The following DMD variants were observed in gnomAD, a reference collection of about 807,000 sequenced individuals.
DMD encodes dystrophin.
A neutral mutation model predicts 330.1 loss-of-function variants in DMD; 63 were observed. The ratio of observed to expected loss-of-function variants is 0.19; its 90% CI spans 0.16 to 0.24. The LOEUF (loss-of-function observed/expected upper bound fraction) is 0.24. Ranked by LOEUF, DMD falls within the 10% of genes least tolerant of loss-of-function variation. The pLI is 1.00. For missense variants in DMD, 3,344 were observed against 2,684.1 expected (o/e 1.25, Z -5.43); for synonymous variants, 1,223 against 959.8 (o/e 1.27, Z -5.07).
intron 27 of DMD, among the ~76,000 whole-genome samples, chrX:32,446,418 A>G (rs73619089): frequency 0.062 from 6,826 of 110,253 alleles, 520 homozygotes; most frequent in African/African-American, 0.21. Context: ...GGAAAAAAAA[A>G]AACCTGTCCT....
chrX:31,869,425 C>G (rs1486074901), intron 48 of DMD, among the ~76,000 whole-genome samples: 1 of 67,635 alleles, frequency 1.5e-5, no homozygotes, highest in Admixed American at 2.1e-4. Flanking sequence ...TTTTTTTTTA[C>G]CTACCTGTAA....
chrX:32,042,540 G>A (rs1015774982), intron 44 of DMD, among the ~76,000 whole-genome samples: 2 of 111,256 alleles, frequency 1.8e-5, no homozygotes, highest in Non-Finnish European at 1.9e-5. Context: ...CTTGACACAC[G>A]GGGATTATAA....
intron 7 of DMD, among the ~76,000 whole-genome samples, chrX:32,732,387 A>G (rs370866577): frequency 0.02 from 2,240 of 110,631 alleles, 69 homozygotes; most frequent in African/African-American, 0.066. Flanking sequence ...GCAGGCCAAC[A>G]TTCAGATTCA....
chrX:31,861,341 G>A (rs968323091), intron 48 of DMD, among the ~76,000 whole-genome samples: 1 of 110,781 alleles, frequency 9.0e-6, no homozygotes, highest in African/African-American at 3.3e-5. Context: ...TCCTAATACT[G>A]ACGAGATGTT....
At chrX:31,577,277 T>A (rs887227583) in intron 55 of DMD, among the ~76,000 whole-genome samples, 1 of 112,908 alleles carries the variant, frequency 8.9e-6, no homozygotes, top group East Asian at 2.8e-4. Flanking sequence ...TAATACTTGT[T>A]TTTTGTAAAG....
intron 41 of DMD, among the ~76,000 whole-genome samples, chrX:32,337,901 T>A (rs1426922379): frequency 9.0e-6 from 1 of 111,393 alleles, no homozygotes. Flanking sequence ...AGAAAACAAT[T>A]TTATACAGCT....
At chrX:31,816,627 C>T (rs913186428) in intron 50 of DMD, among the ~76,000 whole-genome samples, 7 of 109,300 alleles carry the variant, frequency 6.4e-5, no homozygotes, top group Non-Finnish European at 1.1e-4. Flanking sequence ...GGAGCAACCC[C>T]GTCTTTACTA....
intron 7 of DMD, among the ~76,000 whole-genome samples, chrX:32,771,380 A>T (rs1351540359): frequency 1.8e-5 from 2 of 111,384 alleles, no homozygotes; most frequent in Non-Finnish European, 3.8e-5. Flanking sequence ...AGGTGTAACT[A>T]CTACAGATGA....
At chrX:33,276,067 T>C (rs911623949) in intron 1 of DMD, among the ~76,000 whole-genome samples, 11 of 111,879 alleles carry the variant, frequency 9.8e-5, no homozygotes, top group African/African-American at 3.2e-4. Context: ...ATGGGATATA[T>C]AGTATTCCAT....
chrX:32,046,545 GA>G (rs773243598), intron 44 of DMD, among the ~76,000 whole-genome samples: 152 of 111,929 alleles, frequency 1.4e-3, no homozygotes, highest in African/African-American at 4.8e-3. Flanking sequence ...AAAAACAGGG[GA>G]AAATGCTGCT....
At chrX:31,822,653 G>GTGTGTGTGTGTGTGTGT (rs1556919106) in intron 49 of DMD, among the ~76,000 whole-genome samples, 62 of 65,801 alleles carry the variant, frequency 9.4e-4, no homozygotes, top group South Asian at 5.7e-3. Context: ...AAGGCAGAGG[G>GTGTGTGTGTGTGTGTGT]GTGTGTGTGT....
At chrX:31,625,863 C>T (rs1185515511) in intron 55 of DMD, among the ~76,000 whole-genome samples, 3 of 111,638 alleles carry the variant, frequency 2.7e-5, no homozygotes, top group Non-Finnish European at 5.6e-5. Flanking sequence ...ATTTTTTAGT[C>T]ATTGGGTTAT....
rs756598335 is a variant in DMD at position 31,581,414 on chromosome X, T to C, written c.8217+46259A>G. Among the ~76,000 whole-genome samples, 5 of 111,927 alleles carry C rather than the reference T, an allele frequency of 4.5e-5. No homozygotes were observed. The South Asian group carries it at 1.8e-3, about 41-fold the overall frequency. ...CTTAACCCATGGTGCATTAACAAAA[T>C]AAAGGTCAAAGTTAAATTTTAGAAA... On this transcript the variant is annotated intron_variant, in intron 55 of 78. Transcript: ENST00000357033.
intron 74 of DMD, among the ~76,000 whole-genome samples, chrX:31,164,715 G>A (rs187739885): frequency 0.063 from 6,961 of 110,373 alleles, 389 homozygotes; most frequent in African/African-American, 0.16. Context: ...GTTACCCTCC[G>A]CACAGCTGCC....
At position 31,364,841 on chromosome X, in the gene DMD, T is replaced by G. The variant is rs190436556; in HGVS notation, c.9085-16207A>C. Among the ~76,000 whole-genome samples, 1,089 of 111,252 alleles carry G rather than the reference T, an allele frequency of 9.8e-3. 11 individuals are homozygous for G. Among genetic ancestry groups the G allele is most frequent in the African/African-American group, 0.034 (1,033 of 30,569 alleles). On this transcript the variant is annotated intron_variant, in intron 60 of 78. Coordinates refer to ENST00000357033, the MANE Select transcript of DMD (RefSeq NM_004006.3). ...GGCTGGGTGCGGTGGCTCACGCATG[T>G]AATCCCAGCACTTTGGGAGGCCGAG...
chrX:31,553,169 C>T (rs911139069), intron 55 of DMD, among the ~76,000 whole-genome samples: 2 of 111,774 alleles, frequency 1.8e-5, no homozygotes, highest in African/African-American at 6.5e-5. Flanking sequence ...CAGCCAGCTA[C>T]GTTTTAAAAA....
At chrX:32,386,591 AT>A in intron 32 of DMD, 126 bp from the exon 33 acceptor site, 8 of 601,773 alleles carry the variant, frequency 1.3e-5, no homozygotes, top group Non-Finnish European at 1.8e-5. Flanking sequence ...ATAGAGTAGC[AT>A]TTTGCAGCGG....
intron 50 of DMD, among the ~76,000 whole-genome samples, chrX:31,784,011 T>C (rs773675568): frequency 1.2e-4 from 14 of 112,086 alleles, no homozygotes; most frequent in African/African-American, 4.2e-4. Flanking sequence ...TATCAATTTA[T>C]AGAACGGGAA....
At chrX:32,615,019 C>T (rs892316675) in intron 11 of DMD, among the ~76,000 whole-genome samples, 2 of 110,881 alleles carry the variant, frequency 1.8e-5, no homozygotes, top group African/African-American at 3.3e-5. Context: ...GCTACACTAC[C>T]GAATCATTAG....
Sources: gnomAD v4.1 joint callset for allele counts (sites outside exome capture counted in the v4.1 genomes callset) on GRCh38, gnomAD v4.1.1 for gene constraint, MANE v1.5 for transcripts, NCBI Gene and HGNC (gene_info 2026-07-23, HGNC 2026-07-21) for gene names.